SLC60A1: variants seen among roughly 807,000 people sequenced by gnomAD.
The protein encoded by SLC60A1 is solute carrier family 60 member 1.
At chr1:205,584,233 T>A in the SLC60A1 span, 1 of 1,303,226 alleles carries the variant, frequency 7.7e-7, no homozygotes, top group East Asian at 2.5e-5. Context: ...TTTTTTTTTT[T>A]TTTTTGAGAC....
At chr1:205,589,095 G>A in the SLC60A1 span, among the ~76,000 whole-genome samples, 7,084 of 152,288 alleles carry the variant, frequency 0.047, 563 homozygotes, top group African/African-American at 0.16. Flanking sequence ...TCAGGGTGAC[G>A]GTCTTTGAGG....
At chr1:205,584,021 A>T in the SLC60A1 span, 1 of 1,614,060 alleles carries the variant, frequency 6.2e-7, no homozygotes, top group Non-Finnish European at 8.5e-7. Flanking sequence ...CTGTCCCCAG[A>T]GGAGGCCCCT....
At chr1:205,587,701 G>A in the SLC60A1 span, among the ~76,000 whole-genome samples, 1 of 152,088 alleles carries the variant, frequency 6.6e-6, no homozygotes, top group Admixed American at 6.6e-5. Context: ...CCCTGACAGA[G>A]GGGAGGTGGG....
At chr1:205,578,544 C>T in the SLC60A1 span, among the ~76,000 whole-genome samples, 33 of 152,238 alleles carry the variant, frequency 2.2e-4, no homozygotes, top group Middle Eastern at 0.01. Flanking sequence ...GAGAAAGTAA[C>T]GAACTGCTCT....
the SLC60A1 span, among the ~76,000 whole-genome samples, chr1:205,575,049 C>A: frequency 6.6e-6 from 1 of 152,172 alleles, no homozygotes; most frequent in African/African-American, 2.4e-5. Flanking sequence ...CCTGGCCTTG[C>A]CCTCAGTCTC....
the SLC60A1 span, chr1:205,595,190 G>T: frequency 6.6e-6 from 1 of 152,304 alleles, no homozygotes; most frequent in African/African-American, 2.4e-5. Flanking sequence ...ATCTACCTAT[G>T]GGGCATCTTT....
chr1:205,574,676 G>C, the SLC60A1 span, among the ~76,000 whole-genome samples: 1 of 152,184 alleles, frequency 6.6e-6, no homozygotes, highest in Non-Finnish European at 1.5e-5. Context: ...GATCAAGGAA[G>C]CCCTTTCTGG....
the SLC60A1 span, chr1:205,599,317 CAGG>C: frequency 6.3e-7 from 1 of 1,584,758 alleles, no homozygotes; most frequent in Admixed American, 1.8e-5. Context: ...AGCGGGGGAG[CAGG>C]AGATGCTATG....
Sources: gnomAD v4.1 joint callset for allele counts (sites outside exome capture counted in the v4.1 genomes callset) on GRCh38, gnomAD v4.1.1 for gene constraint, MANE v1.5 for transcripts, NCBI Gene and HGNC (gene_info 2026-07-23, HGNC 2026-07-21) for gene names.